YEATS2: variants seen among roughly 807,000 people sequenced by gnomAD.
YEATS2 encodes YEATS domain containing 2.
YEATS2 carries 77 observed loss-of-function variants against 163.2 expected under a neutral mutation model. The ratio of observed to expected loss-of-function variants is 0.47; its 90% CI spans 0.39 to 0.57. YEATS2 has a LOEUF of 0.57. Ranked by LOEUF, YEATS2 falls within the 20% of genes least tolerant of loss-of-function variation. The pLI is 0.00. For synonymous variants in YEATS2, 631 were observed against 645.1 expected (o/e 0.98, Z 0.33); for missense variants, 1,549 against 1,729.8 (o/e 0.90, Z 1.85).
intron 1 of YEATS2, among the ~76,000 whole-genome samples, chr3:183,710,287 A>G (rs146832640): frequency 7.2e-5 from 11 of 152,358 alleles, no homozygotes; most frequent in African/African-American, 2.6e-4. Flanking sequence ...AGAAGAGTCC[A>G]GAAGGTAATG....
intron 27 of YEATS2, among the ~76,000 whole-genome samples, chr3:183,804,605 A>G (rs1354564998): frequency 1.3e-5 from 2 of 152,090 alleles, no homozygotes; most frequent in Admixed American, 6.5e-5. Context: ...TTTATCTCCA[A>G]ACCCAGCTCG....
chr3:183,724,560 T>C, intron 6 of YEATS2, 29 bp downstream of exon 6: 1 of 1,516,468 alleles, frequency 6.6e-7, no homozygotes, highest in Non-Finnish European at 9.1e-7. Context: ...TTATTTTTAT[T>C]TGTCCATTTG....
chr3:183,793,072 A>G (rs530661037), intron 21 of YEATS2: 2 of 1,159,020 alleles, frequency 1.7e-6, no homozygotes, highest in African/African-American at 1.6e-5. Context: ...TCGCAGCACT[A>G]TCGAACTGTT....
intron 23 of YEATS2, among the ~76,000 whole-genome samples, chr3:183,800,245 T>C (rs1725545253): frequency 6.6e-6 from 1 of 152,166 alleles, no homozygotes. Flanking sequence ...AGCCGCCCTG[T>C]CATGAGGCTG....
Position 183,810,648 on chromosome 3 carries a change from G to A in YEATS2, c.*65G>A. On this transcript the variant is annotated 3_prime_UTR_variant, in exon 31 of 31. Coordinates refer to ENST00000305135, the MANE Select transcript of YEATS2 (RefSeq NM_018023.5). ...CAGCGAAGCTGTAACTGAGGACCCT[G>A]CTGCTCGGGAAGGAGGTGGTTTCCA... 3 of 1,484,126 alleles carry A rather than the reference G, an allele frequency of 2.0e-6. No individual in the cohort carries two copies. The highest frequency in any genetic ancestry group is 2.8e-6 in the Non-Finnish European group (3 of 1,070,804). 91.9% of individuals were successfully genotyped at this position (1,484,126 alleles called of 1,614,324 possible).
intron 9 of YEATS2, among the ~76,000 whole-genome samples, 186 bp downstream of exon 9, chr3:183,747,902 C>G (rs1449998517): frequency 2.6e-5 from 4 of 151,840 alleles, no homozygotes; most frequent in Non-Finnish European, 5.9e-5. Flanking sequence ...ACCTCAGCCT[C>G]CCGAGTAGCT....
At chr3:183,809,341 A>C in intron 30 of YEATS2, 171 bp downstream of exon 30, 2 of 615,534 alleles carry the variant, frequency 3.2e-6, no homozygotes, top group Non-Finnish European at 2.8e-6. Flanking sequence ...TTTTTAGAGA[A>C]CCTCATGGTT....
intron 21 of YEATS2, among the ~76,000 whole-genome samples, chr3:183,795,693 G>C (rs1725081134): frequency 6.6e-6 from 1 of 151,970 alleles, no homozygotes; most frequent in Non-Finnish European, 1.5e-5. Context: ...GATGAAAATA[G>C]GGAGGTGGAA....
chr3:183,702,318 G>T (rs1714181078), intron 1 of YEATS2, among the ~76,000 whole-genome samples: 2 of 152,014 alleles, frequency 1.3e-5, no homozygotes, highest in Non-Finnish European at 2.9e-5. Flanking sequence ...GGTGGTGCGT[G>T]CCTGTAACCC....
At chr3:183,718,142 A>G (rs182726587) in intron 3 of YEATS2, among the ~76,000 whole-genome samples, 11 of 152,342 alleles carry the variant, frequency 7.2e-5, no homozygotes, top group Admixed American at 3.3e-4. Context: ...TATGCATTGT[A>G]TGCCTCTATC....
At chr3:183,772,618 CT>C in intron 16 of YEATS2, 55 bp downstream of exon 16, 1 of 1,599,272 alleles carries the variant, frequency 6.3e-7, no homozygotes, top group Non-Finnish European at 8.5e-7. Context: ...CCAAAATTTC[CT>C]TTGCTAGTGA....
At chr3:183,803,838 TA>T in intron 26 of YEATS2, 148 bp from the exon 27 acceptor site, 2 of 767,502 alleles carry the variant, frequency 2.6e-6, no homozygotes, top group South Asian at 1.9e-5. Flanking sequence ...CTTTTTTTTT[TA>T]ATGGGGAGTA....
At chr3:183,724,735 C>G (rs1194476078) in intron 6 of YEATS2, among the ~76,000 whole-genome samples, 2 of 152,084 alleles carry the variant, frequency 1.3e-5, no homozygotes, top group African/African-American at 4.8e-5. Context: ...GAATCTAGGT[C>G]TCCTATTTTT....
intron 19 of YEATS2, among the ~76,000 whole-genome samples, chr3:183,778,508 C>T (rs998842451): frequency 6.6e-6 from 1 of 152,190 alleles, no homozygotes; most frequent in Non-Finnish European, 1.5e-5. Context: ...AGGCATGCAC[C>T]ACCATGCCCA....
At chr3:183,751,996 A>C in intron 9 of YEATS2, 77 bp from the exon 10 acceptor site, 9 of 1,507,578 alleles carry the variant, frequency 6.0e-6, no homozygotes, top group Non-Finnish European at 8.2e-6. Context: ...CCCGGAGATT[A>C]CATTCTTGGA....
intron 15 of YEATS2, among the ~76,000 whole-genome samples, chr3:183,770,557 T>C (rs1447778717): frequency 1.3e-5 from 2 of 152,220 alleles, no homozygotes; most frequent in Admixed American, 6.5e-5. Flanking sequence ...AATTTACTTA[T>C]TCATGTTTAC....
intron 25 of YEATS2, 105 bp downstream of exon 25, chr3:183,801,633 C>T (rs535378384): frequency 3.3e-5 from 28 of 849,146 alleles, no homozygotes; most frequent in Admixed American, 9.0e-5. Flanking sequence ...ATTGATATGG[C>T]GGTTACCTTA....
intron 9 of YEATS2, among the ~76,000 whole-genome samples, chr3:183,749,441 C>T (rs908763230): frequency 2.6e-5 from 4 of 152,010 alleles, no homozygotes; most frequent in African/African-American, 4.8e-5. Context: ...CCACCCACTC[C>T]TCCCGCCCCC....
At chr3:183,779,001 C>T (rs1463257413) in intron 19 of YEATS2, among the ~76,000 whole-genome samples, 1 of 151,960 alleles carries the variant, frequency 6.6e-6, no homozygotes, top group Admixed American at 6.6e-5. Flanking sequence ...TGCCCAGGCT[C>T]CTGGGTTCAA....
Sources: allele counts gnomAD v4.1 joint callset (sites outside exome capture counted in the v4.1 genomes callset), GRCh38; gene constraint gnomAD v4.1.1; transcripts MANE v1.5; gene names NCBI Gene and HGNC (gene_info 2026-07-23, HGNC 2026-07-21).